The following ZFP1 variants were observed in gnomAD, a reference collection of about 807,000 sequenced individuals.
ZFP1 encodes the protein ZFP1 zinc finger protein, also known as zinc finger protein 1 homolog.
In ZFP1, 32 loss-of-function variants were observed where a neutral mutation model predicts 38.5. The observed-to-expected ratio is 0.83, with a 90% CI of 0.63 to 1.12. The LOEUF (loss-of-function observed/expected upper bound fraction) is 1.12. ZFP1 is among the 50% of genes most tolerant of loss of function. The pLI, the probability that ZFP1 is intolerant of heterozygous loss-of-function variation, is 0.00. For missense variants in ZFP1, 616 were observed against 480.8 expected (o/e 1.28, Z -2.63); for synonymous variants, 245 against 168.8 (o/e 1.45, Z -3.50).
chr16:75,155,160 T>A (rs1454845943), intron 2 of ZFP1, among the ~76,000 whole-genome samples: 2 of 152,230 alleles, frequency 1.3e-5, no homozygotes, highest in African/African-American at 4.8e-5. Flanking sequence ...AGACAGGGTC[T>A]CGCTCTGTCA....
the ZFP1 span, among the ~76,000 whole-genome samples, chr16:75,133,528 T>A: frequency 5.9e-5 from 9 of 152,192 alleles, no homozygotes; most frequent in Admixed American, 5.9e-4. Flanking sequence ...TGTTTTCTGT[T>A]CCTGTGTTAG....
chr16:75,139,715 G>T, the ZFP1 span, among the ~76,000 whole-genome samples: 6 of 152,110 alleles, frequency 3.9e-5, no homozygotes, highest in African/African-American at 1.4e-4. Flanking sequence ...CCTTGGACAA[G>T]CCAGGTGGTT....
At chr16:75,153,188 T>G (rs1262868298) in intron 2 of ZFP1, among the ~76,000 whole-genome samples, 1 of 152,202 alleles carries the variant, frequency 6.6e-6, no homozygotes, top group Non-Finnish European at 1.5e-5. Flanking sequence ...TGAATAAATT[T>G]TATGGACCTT....
At position 75,166,837 on chromosome 16, in the gene ZFP1, C is replaced by CTCAGAGGATCCTAT; in HGVS notation, c.84_97dup (p.Tyr33PhefsTer9). 1.2e-6 allele frequency: 2 copies of CTCAGAGGATCCTAT among 1,614,162 alleles called. No individual in the cohort carries two copies. The highest frequency in any genetic ancestry group is 1.7e-6 in the Non-Finnish European group (2 of 1,180,026). On this transcript the variant is annotated frameshift_variant, in exon 3 of 4. Transcript: ENST00000570010. LOFTEE classifies it high-confidence loss of function. ...GAGGAATGGGAACAACTGGACCCCT[C>CTCAGAGGATCCTAT]TCAGAGGATCCTATACATGGATGTG... is the stretch of plus-strand genomic sequence containing the variant.
At chr16:75,155,643 G>A (rs1274279180) in intron 2 of ZFP1, among the ~76,000 whole-genome samples, 1 of 152,122 alleles carries the variant, frequency 6.6e-6, no homozygotes, top group Admixed American at 6.6e-5. Flanking sequence ...TAAAATGGGT[G>A]CCCATGTAGG....
the ZFP1 span, among the ~76,000 whole-genome samples, chr16:75,120,528 GT>G: frequency 1.2e-4 from 18 of 146,182 alleles, no homozygotes; most frequent in South Asian, 4.3e-4. Context: ...GTTTTTTTTT[GT>G]TTTTTTTTTT....
chr16:75,126,368 T>A, the ZFP1 span: 1 of 151,982 alleles, frequency 6.6e-6, no homozygotes, highest in Admixed American at 6.6e-5. Context: ...CAGGATGACC[T>A]CAATCTCTTG....
At chr16:75,161,774 ATTTTTTTTTTTTTT>A (rs200925992) in intron 2 of ZFP1, among the ~76,000 whole-genome samples, 1 of 7,818 alleles carries the variant, frequency 1.3e-4, no homozygotes, top group South Asian at 5.5e-3. Flanking sequence ...ATATATATAT[ATTTTTTTTTTTTTT>A]TTTTTTTTTT....
At chr16:75,160,815 C>T (rs1438382094) in intron 2 of ZFP1, among the ~76,000 whole-genome samples, 1 of 152,032 alleles carries the variant, frequency 6.6e-6, no homozygotes, top group East Asian at 1.9e-4. Context: ...CCTGGCATGG[C>T]AGAAAGCAAA....
the ZFP1 span, among the ~76,000 whole-genome samples, chr16:75,142,302 A>G: frequency 6.6e-6 from 1 of 151,600 alleles, no homozygotes; most frequent in Non-Finnish European, 1.5e-5. Flanking sequence ...GGAAGGTGGA[A>G]GTTGCAGTGA....
At chr16:75,148,331 G>C (rs1334061509), upstream of ZFP1, among the ~76,000 whole-genome samples, 1 of 152,204 alleles carries the variant, frequency 6.6e-6, no homozygotes, top group Non-Finnish European at 1.5e-5. Context: ...TGCAGGCTAA[G>C]GAGATTATTT....
chr16:75,121,690 T>C, the ZFP1 span, among the ~76,000 whole-genome samples: 2 of 152,194 alleles, frequency 1.3e-5, no homozygotes, highest in Admixed American at 6.6e-5. Context: ...GTGTACACAA[T>C]GCTTCACTAC....
At chr16:75,152,647 C>T (rs1204199680) in intron 1 of ZFP1, among the ~76,000 whole-genome samples, 1 of 152,160 alleles carries the variant, frequency 6.6e-6, no homozygotes, top group Non-Finnish European at 1.5e-5. Context: ...ATAATTTCAG[C>T]AGTTGAGGGT....
chr16:75,154,440 C>G (rs1436778729), intron 2 of ZFP1, among the ~76,000 whole-genome samples: 1 of 152,086 alleles, frequency 6.6e-6, no homozygotes, highest in Non-Finnish European at 1.5e-5. Flanking sequence ...ATGTTTTCAA[C>G]TCATTTGGAT....
At chr16:75,135,260 C>CAAAAAGTGAATGGATAAACAAACCGTA in the ZFP1 span, among the ~76,000 whole-genome samples, 1 of 130,124 alleles carries the variant, frequency 7.7e-6, no homozygotes. Context: ...AGAGATCCTT[C>CAAAAAGTGAATGGATAAACAAACCGTA]ACTCATTCAT....
chr16:75,124,719 G>A, the ZFP1 span, among the ~76,000 whole-genome samples: 1,760 of 148,294 alleles, frequency 0.012, 32 homozygotes, highest in African/African-American at 0.04. Context: ...CCTGGGAGGC[G>A]GAGCTTGCGG....
chr16:75,156,296 A>T (rs959780492), intron 2 of ZFP1, among the ~76,000 whole-genome samples: 3 of 152,134 alleles, frequency 2.0e-5, no homozygotes, highest in African/African-American at 7.2e-5. Flanking sequence ...TTTACTAAAA[A>T]TACAAAAAAA....
the ZFP1 span, among the ~76,000 whole-genome samples, chr16:75,134,190 A>G: frequency 6.6e-6 from 1 of 152,252 alleles, no homozygotes; most frequent in South Asian, 2.1e-4. Context: ...GTGCAATATT[A>G]TGAATATTCT....
intron 2 of ZFP1, among the ~76,000 whole-genome samples, chr16:75,165,694 A>C (rs1041572626): frequency 2.0e-5 from 3 of 151,934 alleles, no homozygotes; most frequent in Non-Finnish European, 4.4e-5. Flanking sequence ...TGGGGTTTTA[A>C]ATCAGTTTTG....
Sources: gnomAD v4.1 joint callset for allele counts (sites outside exome capture counted in the v4.1 genomes callset) on GRCh38, gnomAD v4.1.1 for gene constraint, MANE v1.5 for transcripts, NCBI Gene and HGNC (gene_info 2026-07-23, HGNC 2026-07-21) for gene names.